Variants in DDX59 observed in about 807,000 individuals in gnomAD.
DDX59 encodes the protein DEAD-box helicase 59.
In DDX59, 30 loss-of-function variants were observed where a neutral mutation model predicts 51.9. The ratio of observed to expected loss-of-function variants is 0.58; its 90% CI spans 0.43 to 0.78. DDX59 has a LOEUF of 0.78. Ranked by LOEUF, DDX59 falls within the 30% of genes least tolerant of loss-of-function variation. The pLI, the probability that DDX59 is intolerant of heterozygous loss-of-function variation, is 0.00. For synonymous variants in DDX59, 255 were observed against 253.3 expected, an observed-to-expected ratio of 1.01 and a Z score of -0.06; for missense variants, 672 against 730.8, an observed-to-expected ratio of 0.92 and a Z score of 0.93.
chr1:200,645,299 G>A (rs1207553789), intron 7 of DDX59, among the ~76,000 whole-genome samples: 1 of 151,222 alleles, frequency 6.6e-6, no homozygotes, highest in African/African-American at 2.4e-5. Context: ...TTTTTTTTGA[G>A]GCGGAGTCTC....
intron 5 of DDX59, among the ~76,000 whole-genome samples, chr1:200,649,539 G>T (rs1661513698): frequency 6.9e-6 from 1 of 143,934 alleles, no homozygotes; most frequent in Admixed American, 7.3e-5. Flanking sequence ...TGAGGCAGGA[G>T]AATCGCTTGA....
chr1:200,650,389 AAT>A lies in DDX59; in HGVS notation c.1314+34_1314+35del, dbSNP rs1230815248. 7 of 1,575,418 alleles carry A rather than the reference AAT, an allele frequency of 4.4e-6. No homozygotes were observed. The South Asian group carries it at 8.1e-5, about 18-fold the overall frequency. ...TAAGAGCTGTGAAAAATGCAAACAC[AAT>A]CCATAAAACATAGTTAACTGCTTTA... On this transcript the variant is annotated intron_variant, in intron 5 of 7. Coordinates refer to ENST00000331314, the MANE Select transcript of DDX59 (RefSeq NM_001031725.6).
At chr1:200,659,513 CAGGCACCA>C (rs59967686) in intron 3 of DDX59, among the ~76,000 whole-genome samples, 7,790 of 152,194 alleles carry the variant, frequency 0.051, 262 homozygotes, top group African/African-American at 0.095. Context: ...CAGGCTGAGG[CAGGCACCA>C]AGGCACCAGG....
intron 1 of DDX59, among the ~76,000 whole-genome samples, chr1:200,667,191 T>G (rs1571659771): frequency 6.6e-6 from 1 of 151,672 alleles, no homozygotes; most frequent in African/African-American, 2.4e-5. Context: ...GATCACGAGG[T>G]CAGGAGTTTG....
intron 7 of DDX59, among the ~76,000 whole-genome samples, chr1:200,647,935 C>A (rs1661389321): frequency 6.8e-6 from 1 of 146,572 alleles, no homozygotes; most frequent in African/African-American, 2.5e-5. Flanking sequence ...GATCATGCCA[C>A]TGCACTCCAG....
downstream of DDX59, among the ~76,000 whole-genome samples, chr1:200,642,494 A>G (rs1661077459): frequency 6.6e-6 from 1 of 152,206 alleles, no homozygotes; most frequent in Non-Finnish European, 1.5e-5. Context: ...ATTTTTTTAA[A>G]AGTCTAATGT....
intron 4 of DDX59, among the ~76,000 whole-genome samples, chr1:200,657,188 T>G (rs1571633320): frequency 7.7e-6 from 1 of 129,920 alleles, no homozygotes; most frequent in Non-Finnish European, 1.5e-5. Context: ...ATGGTAGAGG[T>G]GGCAGTGAGC....
intron 3 of DDX59, 145 bp downstream of exon 3, chr1:200,663,774 A>G: frequency 1.1e-6 from 1 of 904,874 alleles, no homozygotes; most frequent in Non-Finnish European, 1.5e-6. Context: ...AACTAAAAAA[A>G]AAAAAAAAAC....
intron 5 of DDX59, among the ~76,000 whole-genome samples, chr1:200,649,822 C>T (rs937861599): frequency 1.3e-5 from 2 of 151,742 alleles, no homozygotes; most frequent in African/African-American, 2.4e-5. Context: ...CAAGTCAATA[C>T]CAACCATATT....
chr1:200,642,133 T>C (rs1571599137), downstream of DDX59, among the ~76,000 whole-genome samples: 1 of 152,338 alleles, frequency 6.6e-6, no homozygotes, highest in East Asian at 1.9e-4. Flanking sequence ...CTTAAGGTGT[T>C]TGCCATATAA....
chr1:200,649,643 AC>A (rs1558116726), intron 5 of DDX59, among the ~76,000 whole-genome samples: 3 of 146,902 alleles, frequency 2.0e-5, no homozygotes, highest in African/African-American at 7.6e-5. Context: ...AAAAAAAAAA[AC>A]ACAAAACACA....
chr1:200,664,205 G>T, intron 2 of DDX59, 119 bp from the exon 3 acceptor site: 2 of 1,074,212 alleles, frequency 1.9e-6, no homozygotes, highest in Non-Finnish European at 2.6e-6. Flanking sequence ...AACTGGGTAT[G>T]AGTCCTCCTG....
chr1:200,645,311 C>T (rs148910549), intron 7 of DDX59, among the ~76,000 whole-genome samples: 3,175 of 152,158 alleles, frequency 0.021, 43 homozygotes, highest in Non-Finnish European at 0.032. Flanking sequence ...CGGAGTCTCA[C>T]TCTGTTGCCC....
Position 200,666,304 on chromosome 1 carries a change from G to T in DDX59, c.437C>A (p.Ser146Ter). The T allele has an allele frequency of 1.9e-6, 3 of 1,614,176 alleles. No homozygotes were observed. Among genetic ancestry groups the T allele is most frequent in the Non-Finnish European group, 2.5e-6 (3 of 1,180,022 alleles). ...LLQVKEKEEK[S>*]KLSNPQKADS... is the part of the protein sequence containing the mutation. The stretch of plus-strand genomic sequence containing the variant: ...AGCCTTCTGTGGATTGCTGAGTTTT[G>T]ATTTCTCTTCCTTTTCCTTAACTTG... Residue 146 changes from serine (S) to a stop codon, truncating the protein, a stop_gained, in exon 2 of 8, where the codon TCA becomes TAA. Coordinates refer to ENST00000331314, the MANE Select transcript of DDX59 (RefSeq NM_001031725.6). LOFTEE classifies it high-confidence loss of function.
downstream of DDX59, chr1:200,640,963 C>G (rs1661031683): frequency 4.0e-6 from 1 of 250,656 alleles, no homozygotes; most frequent in Non-Finnish European, 8.9e-6. Flanking sequence ...AACAGTAGAA[C>G]AAGAGAACTG....
chr1:200,661,079 G>A (rs548205311), intron 3 of DDX59, among the ~76,000 whole-genome samples: 1 of 152,134 alleles, frequency 6.6e-6, no homozygotes, highest in South Asian at 2.1e-4. Flanking sequence ...CCAGGGCTGG[G>A]GCAGGGAAAG....
intron 1 of DDX59, among the ~76,000 whole-genome samples, chr1:200,669,171 A>G (rs894711421): frequency 2.0e-5 from 3 of 152,210 alleles, no homozygotes; most frequent in Non-Finnish European, 4.4e-5. Flanking sequence ...TCTTTGCAAA[A>G]TTACAGTTAT....
In DDX59 at chr1:200,666,770, A is replaced by G; in HGVS notation, c.-11-19T>C. 6.3e-7 allele frequency: 1 copy of G among 1,577,150 alleles called. No homozygotes were observed. Among genetic ancestry groups the G allele is most frequent in the African/African-American group, 1.4e-5 (1 of 73,708 alleles). On this transcript the variant is annotated intron_variant, in intron 1 of 7. Coordinates refer to ENST00000331314, the MANE Select transcript of DDX59 (RefSeq NM_001031725.6). ...CAATATTCTGTTAAGGAAATTATAT[A>G]ATGAGATTTATTGTACCATTAATAA...
Position 200,651,019 on chromosome 1 carries a change from A to T in DDX59, c.1063-343T>A, listed in dbSNP as rs1297508615. 3.9e-5 allele frequency among the ~76,000 whole-genome samples: 6 copies of T among 152,256 alleles called. No individual in the cohort carries two copies. The East Asian group carries it at 1.2e-3, about 29-fold the overall frequency. On this transcript the variant is annotated intron_variant, in intron 4 of 7. Coordinates refer to ENST00000331314, the MANE Select transcript of DDX59 (RefSeq NM_001031725.6). Reference sequence around the variant, plus strand: ...TGATCAGAAAGCCCTTTATTAAATAATGAATGATTGCTAGGTTAAAAAAAA... The same window carrying T: ...TGATCAGAAAGCCCTTTATTAAATATTGAATGATTGCTAGGTTAAAAAAAA...
Sources: gnomAD v4.1 joint callset for allele counts (sites outside exome capture counted in the v4.1 genomes callset) on GRCh38, gnomAD v4.1.1 for gene constraint, MANE v1.5 for transcripts, NCBI Gene and HGNC (gene_info 2026-07-23, HGNC 2026-07-21) for gene names.